The following PTPRO variants were observed in gnomAD, a reference collection of about 807,000 sequenced individuals.
The protein encoded by PTPRO is protein tyrosine phosphatase receptor type O.
In PTPRO, 62 loss-of-function variants were observed where a neutral mutation model predicts 145.2. The observed-to-expected ratio is 0.43, with a 90% CI of 0.35 to 0.53. The LOEUF is 0.53. PTPRO is among the 20% of genes least tolerant of loss of function. The pLI is 0.01. For synonymous variants in PTPRO, 565 were observed against 514.7 expected (o/e 1.10, Z -1.32); for missense variants, 1,345 against 1,482.7 (o/e 0.91, Z 1.53).
chr12:15,387,338 T>C (rs1001787869), intron 1 of PTPRO, among the ~76,000 whole-genome samples: 13 of 139,448 alleles, frequency 9.3e-5, no homozygotes, highest in African/African-American at 3.4e-4. Context: ...CCAAACTCTT[T>C]AACATGCTAT....
intron 1 of PTPRO, among the ~76,000 whole-genome samples, chr12:15,450,379 A>T (rs528248824): frequency 6.6e-6 from 1 of 152,292 alleles, no homozygotes; most frequent in Non-Finnish European, 1.5e-5. Flanking sequence ...CTAGCCCTTC[A>T]TCCTGTGTTG....
At chr12:15,586,040 C>CTAGTAAG (rs1193328119) in intron 23 of PTPRO, among the ~76,000 whole-genome samples, 4 of 152,144 alleles carry the variant, frequency 2.6e-5, no homozygotes, top group Non-Finnish European at 4.4e-5. Context: ...TAATGAGGTA[C>CTAGTAAG]TAGTAAGTAG....
chr12:15,516,483 G>A (rs1220715794), intron 8 of PTPRO, among the ~76,000 whole-genome samples: 2 of 89,384 alleles, frequency 2.2e-5, no homozygotes, highest in Non-Finnish European at 4.9e-5. Flanking sequence ...AAGAAAAAGA[G>A]AGAGAAAGGA....
intron 1 of PTPRO, among the ~76,000 whole-genome samples, chr12:15,431,895 A>G (rs976282308): frequency 3.9e-5 from 6 of 152,216 alleles, no homozygotes; most frequent in Non-Finnish European, 8.8e-5. Context: ...ATATTATAAC[A>G]TGGTGTTAAT....
rs546323134 is a variant in PTPRO at position 15,462,967 on chromosome 12, G to A, written c.76-21007G>A. ...GTATTTCTTATTCCAATGAAACAAAGAATCATATTGTTATATACTATATAT... is the reference window on the plus strand; with the variant it reads ...GTATTTCTTATTCCAATGAAACAAAAAATCATATTGTTATATACTATATAT... On this transcript the variant is annotated intron_variant, in intron 1 of 26. Coordinates refer to ENST00000281171, the MANE Select transcript of PTPRO (RefSeq NM_030667.3). Among the ~76,000 whole-genome samples the A allele has an allele frequency of 1.6e-4, 25 of 151,962 alleles. No individual in the cohort carries two copies. In the South Asian group the frequency reaches 4.4e-3, roughly 27 times the overall value.
intron 1 of PTPRO, among the ~76,000 whole-genome samples, chr12:15,368,000 C>T (rs1194927083): frequency 2.6e-5 from 4 of 152,208 alleles, no homozygotes; most frequent in Non-Finnish European, 5.9e-5. Flanking sequence ...TTACTTTACT[C>T]ATTTAATCAA....
At position 15,443,878 on chromosome 12, in the gene PTPRO, A is replaced by G. The variant is rs150931262; in HGVS notation, c.76-40096A>G. 2.9e-3 allele frequency among the ~76,000 whole-genome samples: 438 copies of G among 152,212 alleles called. 1 individual carries two copies. The highest frequency in any genetic ancestry group is 8.7e-3 in the South Asian group (42 of 4,826). The stretch of plus-strand genomic sequence containing the variant: ...TGTGGAGAAAAGGGAATGTTCCTAC[A>G]CTGTTGGTGGGAATGTAAATCAGCT... On this transcript the variant is annotated intron_variant, in intron 1 of 26. Transcript: ENST00000281171.
At chr12:15,329,925 G>T (rs188497931) in intron 1 of PTPRO, among the ~76,000 whole-genome samples, 3 of 152,328 alleles carry the variant, frequency 2.0e-5, no homozygotes, top group African/African-American at 7.2e-5. Context: ...ACACACAAAG[G>T]CAGAGAAAAC....
At chr12:15,400,252 A>G (rs578180174) in intron 1 of PTPRO, among the ~76,000 whole-genome samples, 4 of 151,828 alleles carry the variant, frequency 2.6e-5, no homozygotes, top group South Asian at 4.2e-4. Context: ...TGGCCTCCCA[A>G]CGTGCTGAGA....
At chr12:15,442,824 G>A (rs891674418) in intron 1 of PTPRO, among the ~76,000 whole-genome samples, 2 of 151,928 alleles carry the variant, frequency 1.3e-5, no homozygotes, top group Admixed American at 6.6e-5. Context: ...GAAATCAGAT[G>A]ACACACACAA....
chr12:15,465,506 A>G (rs1040230101), intron 1 of PTPRO, among the ~76,000 whole-genome samples: 2 of 152,232 alleles, frequency 1.3e-5, no homozygotes, highest in Non-Finnish European at 2.9e-5. Flanking sequence ...TACTCTAAGA[A>G]CAATCTGCCA....
At chr12:15,407,798 T>A (rs1204801290) in intron 1 of PTPRO, among the ~76,000 whole-genome samples, 2 of 152,220 alleles carry the variant, frequency 1.3e-5, no homozygotes, top group Non-Finnish European at 2.9e-5. Context: ...TTTCTTCAAA[T>A]TTTTCTCTGA....
intron 1 of PTPRO, among the ~76,000 whole-genome samples, chr12:15,468,517 A>T (rs1251799000): frequency 1.3e-5 from 2 of 152,114 alleles, no homozygotes; most frequent in African/African-American, 4.8e-5. Context: ...CCAACTAATC[A>T]TCAGGTCAAC....
chr12:15,343,438 G>C (rs970915347), intron 1 of PTPRO, among the ~76,000 whole-genome samples: 1 of 151,938 alleles, frequency 6.6e-6, no homozygotes, highest in Non-Finnish European at 1.5e-5. Context: ...TATAATCTCA[G>C]CATTTTGGGA....
At chr12:15,506,609 A>C (rs920528066) in intron 6 of PTPRO, among the ~76,000 whole-genome samples, 3 of 152,132 alleles carry the variant, frequency 2.0e-5, no homozygotes, top group Non-Finnish European at 4.4e-5. Flanking sequence ...AGCAGGGGAA[A>C]CTGCCACTTT....
chr12:15,567,990 A>C (rs1943945139), intron 18 of PTPRO, among the ~76,000 whole-genome samples: 1 of 152,222 alleles, frequency 6.6e-6, no homozygotes, highest in South Asian at 2.1e-4. Flanking sequence ...ATTAAGTAAA[A>C]ACATTTCAGT....
chr12:15,488,698 T>C (rs1180176269), intron 2 of PTPRO, among the ~76,000 whole-genome samples: 1 of 152,222 alleles, frequency 6.6e-6, no homozygotes, highest in Non-Finnish European at 1.5e-5. Flanking sequence ...TTCACTATAG[T>C]TGTTCTGAGT....
Position 15,578,928 on chromosome 12 carries a change from A to T in PTPRO, c.2905A>T (p.Thr969Ser). ...LPLNRCKNRYTNILPYDFSRV... is the reference protein window; with the variant it reads ...LPLNRCKNRYSNILPYDFSRV... ...ACTGAATCGATGTAAAAACCGTTAC[A>T]CAAACATCCTACCATGTAAGATCGT... Residue 969 changes from threonine to serine, a missense_variant, in exon 20 of 27, where the codon ACA becomes TCA. Thr to Ser is a moderately conservative substitution (Grantham distance 58). This residue lies in a region of PTPRO where 1,130 missense variants were observed against 1,214.7 expected (regional missense o/e 0.93). Coordinates refer to ENST00000281171, the MANE Select transcript of PTPRO (RefSeq NM_030667.3). The T allele has an allele frequency of 6.3e-7, 1 of 1,594,222 alleles. No homozygotes were observed. The highest frequency in any genetic ancestry group is 1.1e-5 in the South Asian group (1 of 90,646).
intron 1 of PTPRO, among the ~76,000 whole-genome samples, chr12:15,437,456 C>G (rs574057399): frequency 6.6e-6 from 1 of 152,130 alleles, no homozygotes; most frequent in Admixed American, 6.5e-5. Context: ...TCTGTTCACA[C>G]TCAGGCAGAT....
Sources: allele counts gnomAD v4.1 joint callset (sites outside exome capture counted in the v4.1 genomes callset), GRCh38; gene constraint gnomAD v4.1.1; regional missense constraint gnomAD v4.1.1; transcripts MANE v1.5; gene names NCBI Gene and HGNC (gene_info 2026-07-23, HGNC 2026-07-21).